ABL1: variants seen among roughly 807,000 people sequenced by gnomAD.
ABL1 encodes the protein ABL proto-oncogene 1, non-receptor tyrosine kinase.
ABL1 carries 11 observed loss-of-function variants against 94.7 expected under a neutral mutation model. The observed-to-expected ratio is 0.12, with a 90% confidence interval of 0.07 to 0.19. The LOEUF (loss-of-function observed/expected upper bound fraction) is 0.19. Among genes scored for constraint, ABL1 ranks in the 10% least tolerant of loss-of-function variants. The probability of loss-of-function intolerance (pLI) is 1.00; values close to 1 mark genes in which losing one functional copy is unlikely to be tolerated. For synonymous variants in ABL1, 656 were observed against 622.4 expected (o/e 1.05, Z -0.80); for missense variants, 1,082 against 1,489.4 (o/e 0.73, Z 4.50).
intron 1 of ABL1, among the ~76,000 whole-genome samples, chr9:130,726,887 C>T (rs969090758): frequency 1.3e-5 from 2 of 152,226 alleles, no homozygotes; most frequent in Admixed American, 1.3e-4. Context: ...TCCTACTAAA[C>T]ACTGCGTTAG....
chr9:130,878,488 G>T lies in ABL1; in HGVS notation c.1344G>T (p.Val448=), dbSNP rs780341344. The change falls in exon 8 of 11, where the codon GTG becomes GTT. Residue 448 remains valine (V), a synonymous_variant. Coordinates refer to ENST00000318560, the MANE Select transcript of ABL1 (RefSeq NM_005157.6). Reference sequence around the variant, plus strand: ...ACCCGGGAATTGACCTGTCCCAGGTGTATGAGCTGCTAGAGAAGGACTACC... The same window carrying T: ...ACCCGGGAATTGACCTGTCCCAGGTTTATGAGCTGCTAGAGAAGGACTACC... The part of the protein sequence containing the change: ...SPYPGIDLSQ[V]YELLEKDYRM... The T allele has an allele frequency of 4.3e-6, 7 of 1,614,268 alleles. No individual in the cohort carries two copies. In the East Asian group the frequency reaches 1.6e-4, roughly 36 times the overall value.
intron 1 of ABL1, among the ~76,000 whole-genome samples, chr9:130,754,208 GAAAA>G (rs146151861): frequency 1.0e-5 from 1 of 96,468 alleles, no homozygotes; most frequent in African/African-American, 4.0e-5. Context: ...CTCTGTCTCA[GAAAA>G]AAAAAAAAAA....
rs963330672 is a variant in ABL1 at position 130,828,707 on chromosome 9, G to A, written c.137-25357G>A. Among the ~76,000 whole-genome samples, 52 of 151,690 alleles carry A rather than the reference G, an allele frequency of 3.4e-4. 1 individual carries two copies. In the Middle Eastern group the frequency reaches 0.014, roughly 40 times the overall value. On this transcript the variant is annotated intron_variant, in intron 1 of 10. Transcript: ENST00000372348. ...GGGCAAGCAACAAGAGTGAAACTGCGTCTCAAAAAAAAAGAAAAGAAAATT... is the reference window on the plus strand; with the variant it reads ...GGGCAAGCAACAAGAGTGAAACTGCATCTCAAAAAAAAAGAAAAGAAAATT...
chr9:130,825,271 C>T (rs1564301504), intron 1 of ABL1, among the ~76,000 whole-genome samples: 1 of 152,138 alleles, frequency 6.6e-6, no homozygotes, highest in Non-Finnish European at 1.5e-5. Context: ...GTTTTCTTTC[C>T]CTTTTAGCCC....
At chr9:130,839,624 G>T (rs958956671) in intron 1 of ABL1, among the ~76,000 whole-genome samples, 2 of 152,170 alleles carry the variant, frequency 1.3e-5, no homozygotes, top group African/African-American at 4.8e-5. Flanking sequence ...CAATTTGGAG[G>T]CAGGAGATCC....
chr9:130,777,121 A>G (rs1228712971), intron 1 of ABL1, among the ~76,000 whole-genome samples: 1 of 152,152 alleles, frequency 6.6e-6, no homozygotes, highest in Non-Finnish European at 1.5e-5. Flanking sequence ...GATATGAGTT[A>G]CGGTTTTTTG....
intron 1 of ABL1, among the ~76,000 whole-genome samples, chr9:130,842,979 A>G (rs948421698): frequency 1.3e-5 from 2 of 152,168 alleles, no homozygotes; most frequent in African/African-American, 4.8e-5. Flanking sequence ...GCCATGGTTT[A>G]TATTTCAGTC....
chr9:130,737,775 C>G (rs545072925), intron 1 of ABL1, among the ~76,000 whole-genome samples: 3 of 151,644 alleles, frequency 2.0e-5, no homozygotes, highest in Non-Finnish European at 4.4e-5. Flanking sequence ...CTGCTTGTGC[C>G]TACTGTTTGC....
chr9:130,765,635 G>T (rs1832173510), intron 1 of ABL1, among the ~76,000 whole-genome samples: 2 of 152,168 alleles, frequency 1.3e-5, no homozygotes, highest in South Asian at 2.1e-4. Flanking sequence ...AACAGTGACG[G>T]ATCAGTATTC....
At chr9:130,751,399 T>C (rs1452627583) in intron 1 of ABL1, among the ~76,000 whole-genome samples, 1 of 152,102 alleles carries the variant, frequency 6.6e-6, no homozygotes, top group African/African-American at 2.4e-5. Flanking sequence ...TGCCTTGGCC[T>C]CCCAAAGTGC....
At chr9:130,751,424 T>C (rs1284676879) in intron 1 of ABL1, among the ~76,000 whole-genome samples, 1 of 152,134 alleles carries the variant, frequency 6.6e-6, no homozygotes, top group African/African-American at 2.4e-5. Flanking sequence ...ATTACAGGCA[T>C]GAACCACCGC....
At chr9:130,735,961 A>ATATATATATATATATATTTTTTTTTT (rs573602038) in intron 1 of ABL1, among the ~76,000 whole-genome samples, 1 of 94,886 alleles carries the variant, frequency 1.1e-5, no homozygotes, top group African/African-American at 6.4e-5. Flanking sequence ...ATATATATAT[A>ATATATATATATATATATTTTTTTTTT]TTTTTTTTTT....
rs749127690 is a variant in ABL1, at chr9:130,884,020, G to A, written c.1730G>A (p.Arg577Gln). The change falls in exon 11 of 11, where the codon CGA becomes CAA. Residue 577 changes from arginine (R) to glutamine (Q), a missense_variant. Physicochemically the swap from Arg to Gln is conservative, Grantham distance 43. Around this residue, in one of 7 missense-constraint regions of ABL1, gnomAD observed 780 missense variants for 835.8 expected, o/e 0.93. Coordinates refer to ENST00000318560, the MANE Select transcript of ABL1 (RefSeq NM_005157.6). The surrounding 1 kb of genome is among the most constrained non-coding windows in gnomAD (Gnocchi z 5.6). ...AVSPLLPRKE[R>Q]GPPEGGLNED... is the part of the protein sequence containing the mutation. ...TCTCCATTGCTCCCTCGAAAAGAGC[G>A]AGGTCCCCCGGAGGGCGGCCTGAAT... The A allele has an allele frequency of 6.2e-6, 10 of 1,613,832 alleles. No homozygotes were observed. The highest frequency in any genetic ancestry group is 2.2e-5 in the East Asian group (1 of 44,864).
intron 1 of ABL1, among the ~76,000 whole-genome samples, chr9:130,757,015 A>C (rs1007896877): frequency 7.2e-5 from 11 of 152,060 alleles, no homozygotes; most frequent in African/African-American, 2.7e-4. Flanking sequence ...GGAAAGGGGG[A>C]CCCAGAACAT....
chr9:130,864,354 C>G (rs1382997791), intron 4 of ABL1, among the ~76,000 whole-genome samples: 1 of 152,156 alleles, frequency 6.6e-6, no homozygotes, highest in Non-Finnish European at 1.5e-5. Flanking sequence ...TGGCGATTCT[C>G]CTTCCTCAGC....
intron 1 of ABL1, among the ~76,000 whole-genome samples, chr9:130,772,547 G>C (rs1016232269): frequency 2.0e-5 from 3 of 152,192 alleles, no homozygotes; most frequent in Non-Finnish European, 4.4e-5. Context: ...GACTGGTCAG[G>C]GAAAAAGATG....
At chr9:130,873,152 C>T in intron 6 of ABL1, 115 bp downstream of exon 6, 5 of 1,094,986 alleles carry the variant, frequency 4.6e-6, no homozygotes, top group South Asian at 3.3e-5. Context: ...AACCTCAGTG[C>T]TGGCAACACA....
At chr9:130,745,894 T>C (rs1325007318) in intron 1 of ABL1, among the ~76,000 whole-genome samples, 2 of 151,364 alleles carry the variant, frequency 1.3e-5, no homozygotes, top group African/African-American at 4.9e-5. Context: ...CCATTGTGTG[T>C]CAAACCAGCC....
At chr9:130,797,133 G>A (rs1829985653) in intron 1 of ABL1, among the ~76,000 whole-genome samples, 1 of 147,000 alleles carries the variant, frequency 6.8e-6, no homozygotes, top group African/African-American at 2.5e-5. Context: ...CTACTTGGAA[G>A]GGCGAGACAG....
Sources: allele counts gnomAD v4.1 joint callset (sites outside exome capture counted in the v4.1 genomes callset), GRCh38; gene constraint gnomAD v4.1.1; regional missense constraint gnomAD v4.1.1; non-coding constraint Gnocchi (gnomAD v3.1); transcripts MANE v1.5; gene names NCBI Gene and HGNC (gene_info 2026-07-23, HGNC 2026-07-21).